The following TIAL1 variants were observed in gnomAD, a reference collection of about 807,000 sequenced individuals.
TIAL1 encodes the protein nucleolysin TIAR.
A neutral mutation model predicts 59.7 loss-of-function variants in TIAL1; 7 were observed. That is an observed-to-expected ratio of 0.12 (90% CI 0.07 to 0.22). The LOEUF (loss-of-function observed/expected upper bound fraction) is 0.22, where lower values mean the gene tolerates loss of function less well. Ranked by LOEUF, TIAL1 falls within the 10% of genes least tolerant of loss-of-function variation. The probability of loss-of-function intolerance (pLI) is 1.00; values close to 1 mark genes in which losing one functional copy is unlikely to be tolerated. For missense variants in TIAL1, 225 were observed against 462.5 expected (o/e 0.49, Z 4.71); for synonymous variants, 149 against 146.3 (o/e 1.02, Z -0.13).
chr10:119,596,350 G>T, intron 1 of TIAL1, 84 bp downstream of exon 1: 1 of 1,513,524 alleles, frequency 6.6e-7, no homozygotes, highest in Non-Finnish European at 9.1e-7. Context: ...CCCGGCTTCG[G>T]CCCAGTCTCT....
intron 2 of TIAL1, among the ~76,000 whole-genome samples, chr10:119,587,263 T>C (rs1292662228): frequency 6.6e-6 from 1 of 152,218 alleles, no homozygotes; most frequent in East Asian, 1.9e-4. Context: ...GTTCTATTTT[T>C]CCCTCTCTGT....
chr10:119,574,604 A>AAAAAAAAAAAAAAAAAAAT lies in TIAL1; in HGVS notation c.*1060_*1061insATTTTTTTTTTTTTTTTTT. 1 of 149,102 alleles carries AAAAAAAAAAAAAAAAAAAT rather than the reference A, an allele frequency of 6.7e-6. No homozygotes were observed. The allele number at this position is 149,102 out of a possible 1,614,324, so 9.2% of individuals were successfully genotyped here. A position where few individuals can be genotyped will look rare whatever the true frequency, so the allele number is the denominator to read the frequency against. On this transcript the variant is annotated 3_prime_UTR_variant, in exon 12 of 12. Transcript: ENST00000436547. ...TGTAAAGCAAAAAAAAAAAAAAAAA[A>AAAAAAAAAAAAAAAAAAAT]AAACAAAAACAAAAAACTAATTCCC...
chr10:119,574,595 A>AC lies in TIAL1; in HGVS notation c.*1069_*1070insG, dbSNP rs993230290. ...ACCAAGTAATGTAAAGCAAAAAAAA[A>AC]AAAAAAAAAAAACAAAAACAAAAAA... is the stretch of plus-strand genomic sequence containing the variant. On this transcript the variant is annotated 3_prime_UTR_variant, in exon 12 of 12. Transcript: ENST00000436547. 24 of 150,528 alleles carry AC rather than the reference A, an allele frequency of 1.6e-4. No homozygotes were observed. The highest frequency in any genetic ancestry group is 5.2e-4 in the African/African-American group (21 of 40,768). The allele number at this position is 150,528 out of a possible 1,614,324, so 9.3% of individuals were successfully genotyped here. A position where few individuals can be genotyped will look rare whatever the true frequency, so the allele number is the denominator to read the frequency against.
rs1386296861 is a variant in TIAL1 at position 119,575,861 on chromosome 10, A to G, written c.1002-70T>C. The G allele has an allele frequency of 4.2e-6, 6 of 1,444,882 alleles. No individual in the cohort carries two copies. In the Admixed American group the frequency reaches 1.7e-4, roughly 42 times the overall value. 89.5% of individuals were successfully genotyped at this position (1,444,882 alleles called of 1,614,324 possible). ...AAATCACATATGTATTTACACAAAA[A>G]TCAAGCAGAGCCTAATCACAGAATA... On this transcript the variant is annotated intron_variant, in intron 11 of 11. Coordinates refer to ENST00000436547, the MANE Select transcript of TIAL1 (RefSeq NM_003252.4).
At chr10:119,595,505 T>C (rs1846123501) in intron 1 of TIAL1, among the ~76,000 whole-genome samples, 2 of 149,818 alleles carry the variant, frequency 1.3e-5, no homozygotes, top group East Asian at 3.9e-4. Context: ...AAATGCTGAG[T>C]CATCACTCTT....
chr10:119,581,189 A>T (rs1405759571), intron 5 of TIAL1, among the ~76,000 whole-genome samples: 1 of 152,076 alleles, frequency 6.6e-6, no homozygotes, highest in Non-Finnish European at 1.5e-5. Context: ...AATCAGAAAG[A>T]TAAATTATGA....
At chr10:119,591,344 T>C (rs1054576504) in intron 1 of TIAL1, among the ~76,000 whole-genome samples, 1 of 150,332 alleles carries the variant, frequency 6.7e-6, no homozygotes, top group Non-Finnish European at 1.5e-5. Context: ...GAGGTGGAGG[T>C]TGCAGTGGGC....
intron 7 of TIAL1, among the ~76,000 whole-genome samples, chr10:119,578,523 C>G (rs753747501): frequency 6.6e-5 from 10 of 152,012 alleles, no homozygotes; most frequent in Non-Finnish European, 1.3e-4. Context: ...CTCAGTTACT[C>G]AGGAGGCTGA....
rs1844874595 is a variant in TIAL1 at position 119,574,594 on chromosome 10, A to C, written c.*1071T>G. ...TACCAAGTAATGTAAAGCAAAAAAA[A>C]AAAAAAAAAAAAACAAAAACAAAAA... On this transcript the variant is annotated 3_prime_UTR_variant, in exon 12 of 12. Coordinates refer to ENST00000436547, the MANE Select transcript of TIAL1 (RefSeq NM_003252.4). 6.6e-6 allele frequency: 1 copy of C among 150,386 alleles called. No individual in the cohort carries two copies. Among genetic ancestry groups the C allele is most frequent in the African/African-American group, 2.5e-5 (1 of 40,622 alleles). 9.3% of individuals were successfully genotyped at this position (150,386 alleles called of 1,614,324 possible). A position where few individuals can be genotyped will look rare whatever the true frequency, so the allele number is the denominator to read the frequency against.
chr10:119,579,028 C>G, intron 6 of TIAL1, 194 bp from the exon 7 acceptor site: 3 of 589,022 alleles, frequency 5.1e-6, no homozygotes, highest in Non-Finnish European at 9.1e-6. Context: ...TAAGCAAAAA[C>G]AGAATACTCT....
intron 6 of TIAL1, among the ~76,000 whole-genome samples, chr10:119,579,474 C>T (rs1042088635): frequency 2.0e-5 from 3 of 152,084 alleles, no homozygotes; most frequent in African/African-American, 7.2e-5. Flanking sequence ...AGAATATATG[C>T]AAAAATCAAG....
At chr10:119,576,843 G>T in intron 10 of TIAL1, 93 bp from the exon 11 acceptor site, 1 of 1,508,614 alleles carries the variant, frequency 6.6e-7, no homozygotes, top group Non-Finnish European at 9.0e-7. Flanking sequence ...AACTAAGTAA[G>T]CACCCTTATG....
chr10:119,593,203 TCAGA>T (rs1845980535), intron 1 of TIAL1, among the ~76,000 whole-genome samples: 1 of 152,212 alleles, frequency 6.6e-6, no homozygotes, highest in South Asian at 2.1e-4. Context: ...AAGGCAGGTG[TCAGA>T]CAGTCCAGTT....
intron 1 of TIAL1, among the ~76,000 whole-genome samples, chr10:119,590,975 T>G (rs1349113565): frequency 6.6e-6 from 1 of 152,238 alleles, no homozygotes; most frequent in Non-Finnish European, 1.5e-5. Context: ...CATTTTAATA[T>G]AACACATTTT....
Position 119,575,225 on chromosome 10 carries a change from G to A in TIAL1, c.*440C>T, listed in dbSNP as rs1014517962. On this transcript the variant is annotated 3_prime_UTR_variant, in exon 12 of 12. Transcript: ENST00000436547. ...TCAAATGTGGTCCACCTCAGGGAAG[G>A]GGAGGGGAGTATCAGGATTCAGGAT... The A allele has an allele frequency of 1.3e-5, 2 of 157,428 alleles. No homozygotes were observed. Among genetic ancestry groups the A allele is most frequent in the African/African-American group, 4.8e-5 (2 of 41,474 alleles). The allele number at this position is 157,428 out of a possible 1,614,324, so 9.8% of individuals were successfully genotyped here. A position where few individuals can be genotyped will look rare whatever the true frequency, so the allele number is the denominator to read the frequency against.
At chr10:119,596,215 G>T (rs1337919186) in intron 1 of TIAL1, among the ~76,000 whole-genome samples, 1 of 152,184 alleles carries the variant, frequency 6.6e-6, no homozygotes. Flanking sequence ...AAAAGGTCGA[G>T]ACAAGCCCCA....
chr10:119,578,933 C>A, intron 6 of TIAL1, 99 bp from the exon 7 acceptor site: 2 of 854,796 alleles, frequency 2.3e-6, no homozygotes, highest in South Asian at 1.5e-5. Flanking sequence ...CCATACAAAT[C>A]AGTAGATGAA....
chr10:119,585,746 C>A (rs560407238), intron 2 of TIAL1, among the ~76,000 whole-genome samples: 3 of 152,310 alleles, frequency 2.0e-5, no homozygotes, highest in African/African-American at 7.2e-5. Context: ...CCTAAACCTA[C>A]TTCTGTCAGC....
intron 1 of TIAL1, among the ~76,000 whole-genome samples, chr10:119,589,986 T>C (rs568175680): frequency 6.6e-6 from 1 of 152,244 alleles, no homozygotes; most frequent in African/African-American, 2.4e-5. Flanking sequence ...GCTGCCACAT[T>C]AAATACACAA....
Sources: allele counts gnomAD v4.1 joint callset (sites outside exome capture counted in the v4.1 genomes callset), GRCh38; gene constraint gnomAD v4.1.1; transcripts MANE v1.5; gene names NCBI Gene and HGNC (gene_info 2026-07-23, HGNC 2026-07-21).